Variants in INSC observed in about 807,000 individuals in gnomAD.
The protein encoded by INSC is INSC spindle orientation adaptor protein.
A neutral mutation model predicts 58.6 loss-of-function variants in INSC; 67 were observed. The ratio of observed to expected loss-of-function variants is 1.14; its 90% confidence interval spans 0.94 to 1.40. The LOEUF is 1.40. INSC is among the 40% of genes most tolerant of loss of function. The pLI is 0.00. For synonymous variants in INSC, 262 were observed against 276.1 expected (o/e 0.95, Z 0.51); for missense variants, 714 against 692.0 (o/e 1.03, Z -0.36).
Position 15,190,763 on chromosome 11 carries a change from C to T in INSC, c.642C>T (p.Asn214=), listed in dbSNP as rs759116014. 2 of 1,613,932 alleles carry T rather than the reference C, an allele frequency of 1.2e-6. No individual in the cohort carries two copies. The highest frequency in any genetic ancestry group is 1.7e-6 in the Non-Finnish European group (2 of 1,179,840). ...NIYTTESTTG[N]LFSLTQEGAP... ...ACACCACAGAGTCCACCACAGGGAA[C>T]CTGTTCAGCCTGACCCAGGAGGGGG... Residue 214 remains asparagine (N), a synonymous_variant, in exon 6 of 13, where the codon AAC becomes AAT. Transcript: ENST00000379556.
upstream of INSC, chr11:15,112,623 T>G: frequency 2.1e-6 from 1 of 469,178 alleles, no homozygotes; most frequent in Non-Finnish European, 3.2e-6. Flanking sequence ...TGTGTGTGTG[T>G]GTGTGTGTGT....
chr11:15,255,512 G>A, the INSC span, among the ~76,000 whole-genome samples: 1 of 152,168 alleles, frequency 6.6e-6, no homozygotes, highest in African/African-American at 2.4e-5. Context: ...TAAATTATCA[G>A]TTCAATTTTT....
At chr11:15,172,797 G>A (rs1849444698) in intron 2 of INSC, among the ~76,000 whole-genome samples, 1 of 152,170 alleles carries the variant, frequency 6.6e-6, no homozygotes, top group African/African-American at 2.4e-5. Flanking sequence ...GGCGCTAGGA[G>A]TTGGGGAAGA....
intron 6 of INSC, among the ~76,000 whole-genome samples, chr11:15,194,897 A>T (rs1850314214): frequency 6.6e-6 from 1 of 152,216 alleles, no homozygotes; most frequent in African/African-American, 2.4e-5. Context: ...TCAATCCTGG[A>T]TACACAATCG....
chr11:15,217,716 A>T (rs1406257626), intron 7 of INSC, among the ~76,000 whole-genome samples: 2 of 152,226 alleles, frequency 1.3e-5, no homozygotes, highest in Non-Finnish European at 2.9e-5. Flanking sequence ...CAGGCAATTT[A>T]TAGTAGAGGA....
chr11:15,167,158 G>A (rs1849226441), intron 2 of INSC, among the ~76,000 whole-genome samples: 1 of 151,010 alleles, frequency 6.6e-6, no homozygotes. Flanking sequence ...TAGTTTAAAT[G>A]TGAGCAGCTT....
At chr11:15,186,564 C>G (rs1415691217) in intron 5 of INSC, among the ~76,000 whole-genome samples, 1 of 152,156 alleles carries the variant, frequency 6.6e-6, no homozygotes, top group Non-Finnish European at 1.5e-5. Flanking sequence ...GAGATCTTAT[C>G]CACATTTATG....
At chr11:15,114,188 C>T (rs746180056), upstream of INSC, among the ~76,000 whole-genome samples, 5 of 134,186 alleles carry the variant, frequency 3.7e-5, no homozygotes, top group African/African-American at 5.8e-5. Context: ...GCCACATTCC[C>T]GAGCTTTTGG....
chr11:15,220,342 A>G (rs1851390095), intron 7 of INSC, among the ~76,000 whole-genome samples: 1 of 152,066 alleles, frequency 6.6e-6, no homozygotes, highest in African/African-American at 2.4e-5. Context: ...GCTTGGTGGC[A>G]TGGTCCCCAG....
intron 8 of INSC, among the ~76,000 whole-genome samples, chr11:15,221,982 C>T (rs749859311): frequency 9.9e-5 from 15 of 152,120 alleles, no homozygotes; most frequent in African/African-American, 3.4e-4. Context: ...ATACTCAGAT[C>T]GAGAGACTCT....
intron 10 of INSC, among the ~76,000 whole-genome samples, chr11:15,236,802 G>A (rs1467363640): frequency 1.3e-5 from 2 of 152,222 alleles, no homozygotes; most frequent in Non-Finnish European, 1.5e-5. Flanking sequence ...CTTCTCCCAG[G>A]CTTCCCTGCT....
At chr11:15,268,008 T>A in the INSC span, among the ~76,000 whole-genome samples, 17 of 152,018 alleles carry the variant, frequency 1.1e-4, no homozygotes, top group Non-Finnish European at 1.5e-5. Context: ...GGACTCCTAA[T>A]ACCATCTTCT....
intron 2 of INSC, among the ~76,000 whole-genome samples, chr11:15,159,810 A>AATACATGTG (rs1242232336): frequency 2.6e-5 from 4 of 152,216 alleles, no homozygotes; most frequent in Admixed American, 6.5e-5. Context: ...CAACTGAGAT[A>AATACATGTG]ATACATGTGA....
intron 7 of INSC, among the ~76,000 whole-genome samples, chr11:15,211,666 T>C (rs1477258551): frequency 6.6e-6 from 1 of 152,214 alleles, no homozygotes; most frequent in African/African-American, 2.4e-5. Context: ...TTGTTTTGCC[T>C]TTAAAATTTT....
chr11:15,181,929 A>T (rs1028613147), intron 5 of INSC, among the ~76,000 whole-genome samples: 1 of 152,154 alleles, frequency 6.6e-6, no homozygotes, highest in Non-Finnish European at 1.5e-5. Flanking sequence ...CCAAAGTCCC[A>T]AATTCTCAGG....
chr11:15,244,600 G>T (rs1458271255), intron 12 of INSC, among the ~76,000 whole-genome samples: 3 of 152,118 alleles, frequency 2.0e-5, no homozygotes, highest in African/African-American at 7.2e-5. Context: ...GTGCCCTGGA[G>T]TCAGACTCCT....
chr11:15,154,728 A>G (rs1007141551), intron 2 of INSC, among the ~76,000 whole-genome samples: 15 of 152,196 alleles, frequency 9.9e-5, no homozygotes, highest in African/African-American at 3.6e-4. Context: ...ATGAGGAGGT[A>G]GACAAAAGTA....
At chr11:15,233,152 C>T (rs1323714287) in intron 9 of INSC, among the ~76,000 whole-genome samples, 1 of 152,176 alleles carries the variant, frequency 6.6e-6, no homozygotes. Context: ...TTATACTGAC[C>T]TCTCACCTAG....
intron 11 of INSC, among the ~76,000 whole-genome samples, chr11:15,239,561 GCACC>G (rs1852263971): frequency 6.6e-6 from 1 of 152,096 alleles, no homozygotes; most frequent in Non-Finnish European, 1.5e-5. Flanking sequence ...TATTGTCAGA[GCACC>G]CACCCTATGC....
Sources: allele counts gnomAD v4.1 joint callset (sites outside exome capture counted in the v4.1 genomes callset), GRCh38; gene constraint gnomAD v4.1.1; transcripts MANE v1.5; gene names NCBI Gene and HGNC (gene_info 2026-07-23, HGNC 2026-07-21).